Variants in SHF observed in about 807,000 individuals in gnomAD.
SHF encodes Src homology 2 domain containing F, also known as SH2 domain-containing adapter protein F.
In SHF, 30 loss-of-function variants were observed where a neutral mutation model predicts 42.4. The ratio of observed to expected loss-of-function variants is 0.71; its 90% CI spans 0.53 to 0.96. The LOEUF (loss-of-function observed/expected upper bound fraction) is 0.96. SHF is among the 40% of genes least tolerant of loss of function. SHF has a pLI of 0.00. For synonymous variants in SHF, 264 were observed against 269.9 expected, an observed-to-expected ratio of 0.98 and a Z score of 0.21; for missense variants, 598 against 634.0, an observed-to-expected ratio of 0.94 and a Z score of 0.61.
intron 2 of SHF, among the ~76,000 whole-genome samples, chr15:45,176,214 C>T (rs142792312): frequency 2.0e-5 from 3 of 151,868 alleles, no homozygotes; most frequent in Non-Finnish European, 4.4e-5. Flanking sequence ...CGACAAGTTA[C>T]GTTCATCATC....
chr15:45,170,129 CT>C (rs1249227331), intron 6 of SHF: 2 of 189,906 alleles, frequency 1.1e-5, no homozygotes, highest in Non-Finnish European at 2.2e-5. Flanking sequence ...GGCATCTCCC[CT>C]TACCTTGGCC....
At chr15:45,182,949 A>G (rs1025375109) in intron 1 of SHF, among the ~76,000 whole-genome samples, 2 of 152,256 alleles carry the variant, frequency 1.3e-5, no homozygotes, top group African/African-American at 4.8e-5. Context: ...TAAAACAGTT[A>G]AACATTACAG....
At chr15:45,174,677 G>A (rs1056939109) in intron 3 of SHF, among the ~76,000 whole-genome samples, 1 of 152,126 alleles carries the variant, frequency 6.6e-6, no homozygotes. Flanking sequence ...CTTGGACTTG[G>A]GATGGACAGA....
At chr15:45,187,342 C>T in intron 1 of SHF, 112 bp downstream of exon 1, 1 of 1,085,514 alleles carries the variant, frequency 9.2e-7, no homozygotes, top group Non-Finnish European at 1.2e-6. Flanking sequence ...CTCGCGTCTG[C>T]CAGAAGCTGA....
In SHF at chr15:45,198,703, G is replaced by A. The variant is rs150278619; in HGVS notation, c.303+69C>T. 173 of 1,533,154 alleles carry A rather than the reference G, an allele frequency of 1.1e-4. No individual in the cohort carries two copies. In the East Asian group the frequency reaches 1.8e-3, roughly 16 times the overall value. The allele number at this position is 1,533,154 out of a possible 1,614,324, so 95.0% of individuals were successfully genotyped here. ...GAGCTACCGGGGACCCGTAGGGGTT[G>A]GCTTCTGATTATCCTCTTCAACAGT... is the stretch of plus-strand genomic sequence containing the variant. On this transcript the variant is annotated intron_variant, in intron 2 of 7. Transcript: ENST00000290894.
Position 45,168,069 on chromosome 15 carries a change from G to A in SHF, c.1345C>T (p.Gln449Ter), listed in dbSNP as rs1567026213. ...RTKEHKYVLGQNSPPFSSVPE... is the reference protein window; with the variant it reads ...RTKEHKYVLG ...ACGCTGCTGAAGGGCGGGCTGTTCT[G>A]GCCCAGCACATATTTGTGTTCCTTG... The change falls in exon 7 of 7, where the codon CAG (glutamine) becomes TAG (stop). Residue 449 changes from glutamine (Q) to a stop codon, truncating the protein, a stop_gained. Coordinates refer to ENST00000690270, the MANE Select transcript of SHF (RefSeq NM_001394037.1). LOFTEE classifies it high-confidence loss of function. 6.2e-7 allele frequency: 1 copy of A among 1,612,896 alleles called. No individual in the cohort carries two copies. The highest frequency in any genetic ancestry group is 2.2e-5 in the East Asian group (1 of 44,868).
chr15:45,198,532 T>C (rs1371845333), intron 2 of SHF: 1 of 486,330 alleles, frequency 2.1e-6, no homozygotes, highest in Non-Finnish European at 3.5e-6. Flanking sequence ...AGAAAGTGAA[T>C]TACGATTTAT....
chr15:45,198,994 C>A, exon 2 of SHF: 1 of 1,611,828 alleles, frequency 6.2e-7, no homozygotes, highest in Non-Finnish European at 8.5e-7. Context: ...GTTTCCTATG[C>A]CCCGGAGACC....
Position 45,187,559 on chromosome 15 carries a change from C to A in SHF, c.393G>T (p.Pro131=), listed in dbSNP as rs1288557879. 23 of 1,227,940 alleles carry A rather than the reference C, an allele frequency of 1.9e-5. No individual in the cohort carries two copies. Among genetic ancestry groups the A allele is most frequent in the Non-Finnish European group, 2.2e-5 (22 of 984,654 alleles). 76.1% of individuals were successfully genotyped at this position (1,227,940 alleles called of 1,614,324 possible). Residue 131 remains proline (P), a synonymous_variant, in exon 1 of 7, where the codon CCG becomes CCT. Transcript: ENST00000690270. ...TPVAPGPTPP[P]RHGSPPHRLI... is the part of the protein sequence containing the mutation. ...GGCGGTGTGGGGGAGAGCCGTGGCG[C>A]GGGGGCGGCGTGGGTCCGGGGGCGA...
rs1567028898 is a variant in SHF, at chr15:45,171,919, CTG to C, written c.1242_1243del (p.Asn414LysfsTer2). ...GGAGAAGTCATTCTTGCTGGTCTCA[CTG>C]TTGCGCACCAGGTAGCTGGCCTCTT... is the stretch of plus-strand genomic sequence containing the variant. On this transcript the variant is annotated frameshift_variant, in exon 6 of 7. Transcript: ENST00000690270. LOFTEE classifies it high-confidence loss of function. 1.2e-6 allele frequency: 2 copies of C among 1,613,714 alleles called. No homozygotes were observed. The highest frequency in any genetic ancestry group is 2.7e-5 in the African/African-American group (2 of 74,918).
At chr15:45,176,298 T>G (rs1403869857) in intron 2 of SHF, among the ~76,000 whole-genome samples, 2 of 151,322 alleles carry the variant, frequency 1.3e-5, no homozygotes, top group African/African-American at 4.9e-5. Flanking sequence ...GTTCTCTTTT[T>G]GGGATCACTG....
chr15:45,174,895 C>T (rs958639978), intron 3 of SHF, among the ~76,000 whole-genome samples: 5 of 152,090 alleles, frequency 3.3e-5, no homozygotes, highest in South Asian at 2.1e-4. Context: ...ACATATGTCA[C>T]GAGTTTCATA....
chr15:45,175,352 ATCC>A lies in SHF; in HGVS notation c.711_713del (p.Glu237del). On this transcript the variant is annotated inframe_deletion, in exon 3 of 7. Transcript: ENST00000690270. ...CCCCCTCACCTTCCGCGGTGGCCCC[ATCC>A]TCCTCTGGCTCATAGGGTGTGTCAT... 6.3e-7 allele frequency: 1 copy of A among 1,598,644 alleles called. No homozygotes were observed. The highest frequency in any genetic ancestry group is 1.7e-5 in the Admixed American group (1 of 57,830).
chr15:45,174,680 T>C (rs935528644), intron 3 of SHF, among the ~76,000 whole-genome samples: 4 of 152,184 alleles, frequency 2.6e-5, no homozygotes, highest in Admixed American at 6.5e-5. Context: ...GGACTTGGGA[T>C]GGACAGAAGA....
At chr15:45,180,308 C>G (rs1898060795) in intron 1 of SHF, among the ~76,000 whole-genome samples, 2 of 152,200 alleles carry the variant, frequency 1.3e-5, no homozygotes, top group South Asian at 4.1e-4. Flanking sequence ...CCACTCACCC[C>G]TACCCGCCCA....
At chr15:45,182,419 G>C (rs1385624302) in intron 1 of SHF, among the ~76,000 whole-genome samples, 1 of 152,194 alleles carries the variant, frequency 6.6e-6, no homozygotes, top group East Asian at 1.9e-4. Flanking sequence ...ATTTGTAAAA[G>C]TTCTTAGCCC....
intron 2 of SHF, among the ~76,000 whole-genome samples, chr15:45,176,283 A>G (rs1345862400): frequency 6.6e-6 from 1 of 150,876 alleles, no homozygotes; most frequent in African/African-American, 2.4e-5. Flanking sequence ...CTCTAAAGCT[A>G]ATTGGTTCTC....
At position 45,187,487 on chromosome 15, in the gene SHF, C is replaced by T; in HGVS notation, c.465G>A (p.Glu155=). Residue 155 remains glutamate, a synonymous_variant, in exon 1 of 7, where the codon GAG becomes GAA. Transcript: ENST00000690270. ...TGCTGGCGGGGGGTCCGGAGATCCG[C>T]TCATCAGCAGGCGGCGCCGGGGGCC... ...TPGPPAPPAD[E]RISGPPASSD... The T allele has an allele frequency of 8.1e-7, 1 of 1,232,782 alleles. No individual in the cohort carries two copies. The highest frequency in any genetic ancestry group is 1.0e-6 in the Non-Finnish European group (1 of 988,316). 76.4% of individuals were successfully genotyped at this position (1,232,782 alleles called of 1,614,324 possible).
chr15:45,175,391 G>C lies in SHF; in HGVS notation c.675C>G (p.Pro225=). Residue 225 remains proline (P), a synonymous_variant, in exon 3 of 7, where the codon CCC becomes CCG. Transcript: ENST00000690270. ...IRGSKETATQ[P]LPLYDTPYEP... The stretch of plus-strand genomic sequence containing the variant: ...CATAGGGTGTGTCATACAGAGGCAA[G>C]GGCTGAGTTGCTGTCTCCTTGGAGC... 3 of 1,593,344 alleles carry C rather than the reference G, an allele frequency of 1.9e-6. No individual in the cohort carries two copies. Among genetic ancestry groups the C allele is most frequent in the Non-Finnish European group, 2.6e-6 (3 of 1,169,842 alleles).
Sources: gnomAD v4.1 joint callset for allele counts (sites outside exome capture counted in the v4.1 genomes callset) on GRCh38, gnomAD v4.1.1 for gene constraint, MANE v1.5 for transcripts, NCBI Gene and HGNC (gene_info 2026-07-23, HGNC 2026-07-21) for gene names.